DPP10: variants seen among roughly 807,000 people sequenced by gnomAD.
DPP10 encodes the protein dipeptidyl peptidase like 10, also known as inactive dipeptidyl peptidase 10.
Under a neutral mutation model 120.9 loss-of-function variants are expected in DPP10, and 33 were observed. The ratio of observed to expected loss-of-function variants is 0.27; its 90% CI spans 0.21 to 0.37. The LOEUF is 0.37. Among genes scored for constraint, DPP10 ranks in the 10% least tolerant of loss-of-function variants. The pLI is 1.00. For missense variants in DPP10, 816 were observed against 942.8 expected (o/e 0.87, Z 1.76); for synonymous variants, 337 against 326.1 (o/e 1.03, Z -0.36).
intron 1 of DPP10, among the ~76,000 whole-genome samples, chr2:114,528,385 G>A (rs1217936121): frequency 6.6e-6 from 1 of 152,150 alleles, no homozygotes; most frequent in African/African-American, 2.4e-5. Flanking sequence ...CTTTGTGAGA[G>A]TGAACACTGT....
intron 2 of DPP10, among the ~76,000 whole-genome samples, chr2:115,322,643 A>G (rs148427849): frequency 9.8e-5 from 15 of 152,334 alleles, no homozygotes; most frequent in African/African-American, 3.4e-4. Flanking sequence ...GATTCATAAT[A>G]GTTTCTATTA....
chr2:114,491,641 C>T (rs992776054), intron 1 of DPP10, among the ~76,000 whole-genome samples: 6 of 152,184 alleles, frequency 3.9e-5, no homozygotes, highest in Non-Finnish European at 7.3e-5. Context: ...CCACCAGATA[C>T]TGCATTTCCT....
chr2:115,012,729 G>T (rs969601550), intron 1 of DPP10, among the ~76,000 whole-genome samples: 1 of 152,148 alleles, frequency 6.6e-6, no homozygotes, highest in East Asian at 1.9e-4. Context: ...GAAGGAACCA[G>T]AAAATCAATT....
chr2:115,358,386 T>C (rs1395635085), intron 3 of DPP10, among the ~76,000 whole-genome samples: 1 of 152,168 alleles, frequency 6.6e-6, no homozygotes, highest in African/African-American at 2.4e-5. Flanking sequence ...GTTTCTTGTC[T>C]CCATCTGAAA....
At position 115,619,556 on chromosome 2, in the gene DPP10, G is replaced by A. The variant is rs116009304; in HGVS notation, c.442-70131G>A. On this transcript the variant is annotated intron_variant, in intron 5 of 25. Coordinates refer to ENST00000410059, the MANE Select transcript of DPP10 (RefSeq NM_020868.6). Reference sequence around the variant, plus strand: ...GTCCCATTGTCAAGTATACACTTACGGTTTCCTGACTAGGCCAAGTGGTTC... The same window carrying A: ...GTCCCATTGTCAAGTATACACTTACAGTTTCCTGACTAGGCCAAGTGGTTC... Among the ~76,000 whole-genome samples, 1,237 of 152,104 alleles carry A rather than the reference G, an allele frequency of 8.1e-3. 8 individuals are homozygous for A. Among genetic ancestry groups the A allele is most frequent in the Non-Finnish European group, 0.013 (901 of 68,004 alleles).
intron 1 of DPP10, among the ~76,000 whole-genome samples, chr2:114,779,423 A>G (rs557433452): frequency 2.0e-5 from 3 of 152,198 alleles, no homozygotes; most frequent in African/African-American, 7.2e-5. Flanking sequence ...AAGGTCCTAA[A>G]CCACCTCTGA....
At chr2:115,082,252 CT>C (rs1187001459) in intron 1 of DPP10, among the ~76,000 whole-genome samples, 1 of 152,120 alleles carries the variant, frequency 6.6e-6, no homozygotes, top group Admixed American at 6.5e-5. Flanking sequence ...TTTGCTTCCT[CT>C]GCTGCCTTTG....
intron 1 of DPP10, among the ~76,000 whole-genome samples, chr2:114,570,475 G>C (rs1012009707): frequency 6.6e-6 from 1 of 152,048 alleles, no homozygotes; most frequent in Admixed American, 6.5e-5. Context: ...TAGGAGCTTT[G>C]GCAATGTGTC....
chr2:115,751,398 C>G (rs1437298943), intron 10 of DPP10, among the ~76,000 whole-genome samples: 1 of 152,160 alleles, frequency 6.6e-6, no homozygotes, highest in Non-Finnish European at 1.5e-5. Flanking sequence ...AAAGATTATA[C>G]CTAAGCCAGC....
intron 2 of DPP10, among the ~76,000 whole-genome samples, chr2:115,331,853 A>G (rs1013921853): frequency 1.2e-4 from 18 of 152,100 alleles, no homozygotes; most frequent in Non-Finnish European, 1.8e-4. Flanking sequence ...TTTTGCATCA[A>G]TGTTCATCAG....
chr2:115,666,375 T>C (rs1427280875), intron 5 of DPP10, among the ~76,000 whole-genome samples: 1 of 152,086 alleles, frequency 6.6e-6, no homozygotes, highest in Non-Finnish European at 1.5e-5. Context: ...AACCCTCACT[T>C]GTAAAATCAT....
intron 22 of DPP10, 110 bp downstream of exon 22, chr2:115,836,366 G>A: frequency 1.5e-6 from 2 of 1,362,450 alleles, no homozygotes; most frequent in South Asian, 2.6e-5. Flanking sequence ...ATTAGAGCCT[G>A]TTTTCAGCTG....
At chr2:115,023,704 G>A (rs1703244974) in intron 1 of DPP10, among the ~76,000 whole-genome samples, 1 of 152,026 alleles carries the variant, frequency 6.6e-6, no homozygotes, top group South Asian at 2.1e-4. Flanking sequence ...GTTTATAGCA[G>A]CACTATTTGC....
intron 1 of DPP10, among the ~76,000 whole-genome samples, chr2:114,806,686 C>A (rs111613743): frequency 6.6e-6 from 1 of 152,142 alleles, no homozygotes; most frequent in African/African-American, 2.4e-5. Context: ...CCCAAAAGCA[C>A]ATATCAGAAA....
chr2:115,676,516 A>G (rs569966033), intron 5 of DPP10, among the ~76,000 whole-genome samples: 1 of 152,220 alleles, frequency 6.6e-6, no homozygotes, highest in Admixed American at 6.5e-5. Flanking sequence ...AAAAGAACCA[A>G]ACAGACATAT....
intron 7 of DPP10, among the ~76,000 whole-genome samples, chr2:115,712,785 A>T (rs1385675235): frequency 6.6e-6 from 1 of 151,720 alleles, no homozygotes; most frequent in African/African-American, 2.4e-5. Context: ...TAATAAGTAC[A>T]ATGTTATGTA....
chr2:114,579,759 G>C (rs1690346114), intron 1 of DPP10, among the ~76,000 whole-genome samples: 1 of 152,156 alleles, frequency 6.6e-6, no homozygotes, highest in Non-Finnish European at 1.5e-5. Context: ...GAAATGATAA[G>C]CCATGTTATT....
chr2:114,442,700 A>T lies in DPP10; in HGVS notation c.-79A>T, dbSNP rs984786237. ...GCAGCAACAGCAGCAGCCCCTACTG[A>T]AGTCCAATAGAGGAGACTTGATCTC... is the stretch of plus-strand genomic sequence containing the variant. On this transcript the variant is annotated 5_prime_UTR_variant, in exon 1 of 26. Coordinates refer to ENST00000410059, the MANE Select transcript of DPP10 (RefSeq NM_020868.6). 73 of 1,538,572 alleles carry T rather than the reference A, an allele frequency of 4.7e-5. No individual in the cohort carries two copies. In the South Asian group the frequency reaches 5.5e-4, roughly 12 times the overall value.
At chr2:114,793,928 A>G (rs187259241) in intron 1 of DPP10, among the ~76,000 whole-genome samples, 114 of 152,316 alleles carry the variant, frequency 7.5e-4, no homozygotes, top group African/African-American at 2.6e-3. Flanking sequence ...GAGCAAATAC[A>G]ATACCTCTTT....
Sources: allele counts gnomAD v4.1 joint callset (sites outside exome capture counted in the v4.1 genomes callset), GRCh38; gene constraint gnomAD v4.1.1; transcripts MANE v1.5; gene names NCBI Gene and HGNC (gene_info 2026-07-23, HGNC 2026-07-21).